Variants in NALF1 observed in about 807,000 individuals in gnomAD.
The protein encoded by NALF1 is family with sequence similarity 155 member A.
Under a neutral mutation model 48.4 loss-of-function variants are expected in NALF1, and 3 were observed. The ratio of observed to expected loss-of-function variants is 0.06; its 90% confidence interval spans 0.03 to 0.16. The LOEUF is 0.16. Ranked by LOEUF, NALF1 falls within the 10% of genes least tolerant of loss-of-function variation. NALF1 has a pLI of 1.00. For missense variants in NALF1, 526 were observed against 571.5 expected (o/e 0.92, Z 0.81); for synonymous variants, 262 against 245.7 (o/e 1.07, Z -0.62).
chr13:107,437,446 C>G (rs545154982), intron 1 of NALF1, among the ~76,000 whole-genome samples: 5 of 152,158 alleles, frequency 3.3e-5, no homozygotes, highest in African/African-American at 4.8e-5. Flanking sequence ...ATGCTTATTG[C>G]AGATTATTCA....
intron 1 of NALF1, among the ~76,000 whole-genome samples, chr13:107,284,882 T>G (rs1881462580): frequency 6.7e-6 from 1 of 148,814 alleles, no homozygotes; most frequent in Non-Finnish European, 1.5e-5. Flanking sequence ...AGAAGTTCAT[T>G]TCTATTGTTT....
intron 1 of NALF1, among the ~76,000 whole-genome samples, chr13:107,315,091 AC>A (rs2138907801): frequency 1.3e-5 from 2 of 152,230 alleles, no homozygotes; most frequent in African/African-American, 4.8e-5. Flanking sequence ...TTCAACTTAA[AC>A]AAAATTAAAA....
chr13:107,234,103 C>G (rs1240993877), intron 1 of NALF1, among the ~76,000 whole-genome samples: 1 of 152,164 alleles, frequency 6.6e-6, no homozygotes, highest in African/African-American at 2.4e-5. Flanking sequence ...AAATTAAATA[C>G]TAGGGCCAGT....
intron 1 of NALF1, among the ~76,000 whole-genome samples, chr13:107,293,576 T>G (rs1881670754): frequency 6.6e-6 from 1 of 152,192 alleles, no homozygotes; most frequent in African/African-American, 2.4e-5. Flanking sequence ...CCACTTTATA[T>G]GTCTGGTGAT....
intron 1 of NALF1, among the ~76,000 whole-genome samples, chr13:107,564,635 C>A (rs1877742749): frequency 6.6e-6 from 1 of 152,146 alleles, no homozygotes; most frequent in Admixed American, 6.5e-5. Flanking sequence ...AGTATGGATG[C>A]CACTTAAACA....
At chr13:107,829,248 T>C (rs949744043) in intron 1 of NALF1, among the ~76,000 whole-genome samples, 8 of 152,144 alleles carry the variant, frequency 5.3e-5, no homozygotes, top group Non-Finnish European at 1.0e-4. Context: ...GCTTCCATAT[T>C]TGTTCTACAC....
intron 1 of NALF1, among the ~76,000 whole-genome samples, chr13:107,735,572 A>G (rs1489515840): frequency 3.9e-5 from 6 of 152,230 alleles, no homozygotes; most frequent in African/African-American, 7.2e-5. Context: ...GAAGAGGTGT[A>G]AGTGGCAAGA....
chr13:107,602,796 G>A (rs1215213477), intron 1 of NALF1, among the ~76,000 whole-genome samples: 2 of 152,236 alleles, frequency 1.3e-5, no homozygotes, highest in Middle Eastern at 3.4e-3. Flanking sequence ...CAACGCCATC[G>A]ATAGCCTTGC....
intron 1 of NALF1, among the ~76,000 whole-genome samples, chr13:107,341,222 T>C (rs577977141): frequency 6.6e-6 from 1 of 152,170 alleles, no homozygotes; most frequent in African/African-American, 2.4e-5. Context: ...TCAGCCTACT[T>C]TGATAAAAGT....
At chr13:107,498,486 T>A (rs189028412) in intron 1 of NALF1, among the ~76,000 whole-genome samples, 306 of 152,260 alleles carry the variant, frequency 2.0e-3, no homozygotes, top group African/African-American at 7.0e-3. Context: ...ATTTTGGAGG[T>A]TAAGCAAGTT....
Position 107,866,885 on chromosome 13 carries a change from T to G in NALF1, c.-289A>C. 1 of 423,752 alleles carries G rather than the reference T, an allele frequency of 2.4e-6. No homozygotes were observed. The highest frequency in any genetic ancestry group is 4.2e-6 in the Non-Finnish European group (1 of 239,318). 26.2% of individuals were successfully genotyped at this position (423,752 alleles called of 1,614,324 possible). A position where few individuals can be genotyped will look rare whatever the true frequency, so the allele number is the denominator to read the frequency against. ...TCAGCCGACCCCATCCTCTGTAGAG[T>G]GGGAAACAATAATGGAGAGAGAGAG... is the stretch of plus-strand genomic sequence containing the variant. On this transcript the variant is annotated 5_prime_UTR_variant, in exon 1 of 3. Coordinates refer to ENST00000375915, the MANE Select transcript of NALF1 (RefSeq NM_001080396.3). This position sits in a 1 kb window ranked among gnomAD's most constrained non-coding sequence, Gnocchi z 4.4.
chr13:107,417,954 A>G (rs1379443726), intron 1 of NALF1, among the ~76,000 whole-genome samples: 1 of 152,052 alleles, frequency 6.6e-6, no homozygotes, highest in Non-Finnish European at 1.5e-5. Context: ...CCAGCTACTC[A>G]GGAGGCTAAG....
At chr13:107,676,120 G>A (rs961725265) in intron 1 of NALF1, among the ~76,000 whole-genome samples, 2 of 152,190 alleles carry the variant, frequency 1.3e-5, no homozygotes. Context: ...AGCCTGCTCT[G>A]AGGAGTCAAT....
chr13:107,719,441 C>T (rs1875920459), intron 1 of NALF1, among the ~76,000 whole-genome samples: 1 of 151,976 alleles, frequency 6.6e-6, no homozygotes, highest in South Asian at 2.1e-4. Context: ...TACAGTTGTA[C>T]TTTTTTTTCC....
chr13:107,824,720 G>A (rs1032453300), intron 1 of NALF1, among the ~76,000 whole-genome samples: 1 of 152,222 alleles, frequency 6.6e-6, no homozygotes, highest in South Asian at 2.1e-4. Context: ...CAAAATTCCA[G>A]GTAAAGAAGC....
intron 1 of NALF1, among the ~76,000 whole-genome samples, chr13:107,588,409 GC>G (rs1165067287): frequency 1.3e-4 from 20 of 152,046 alleles, no homozygotes; most frequent in Non-Finnish European, 2.8e-4. Context: ...CCTAAAGGGA[GC>G]CCTGGGAAAC....
chr13:107,608,584 T>C (rs1307343082), intron 1 of NALF1, among the ~76,000 whole-genome samples: 3 of 152,220 alleles, frequency 2.0e-5, no homozygotes, highest in Non-Finnish European at 2.9e-5. Flanking sequence ...AGCTTCCTGA[T>C]TGGGTGGTTG....
chr13:107,330,087 ACC>A (rs1882440715), intron 1 of NALF1, among the ~76,000 whole-genome samples: 1 of 152,100 alleles, frequency 6.6e-6, no homozygotes, highest in Non-Finnish European at 1.5e-5. Context: ...CCCAGGATGG[ACC>A]CTAGGCTCAG....
At chr13:107,520,281 C>T (rs1478807184) in intron 1 of NALF1, among the ~76,000 whole-genome samples, 1 of 152,078 alleles carries the variant, frequency 6.6e-6, no homozygotes, top group Admixed American at 6.6e-5. Flanking sequence ...ATTTTCTGTT[C>T]TAAGAGTTTG....
Sources: allele counts gnomAD v4.1 joint callset (sites outside exome capture counted in the v4.1 genomes callset), GRCh38; gene constraint gnomAD v4.1.1; non-coding constraint Gnocchi (gnomAD v3.1); transcripts MANE v1.5; gene names NCBI Gene and HGNC (gene_info 2026-07-23, HGNC 2026-07-21).